DLG2: variants seen among roughly 807,000 people sequenced by gnomAD.
DLG2 encodes discs large MAGUK scaffold protein 2, also known as disks large homolog 2.
Under a neutral mutation model 132.5 loss-of-function variants are expected in DLG2, and 45 were observed. The observed-to-expected ratio is 0.34, with a 90% CI of 0.27 to 0.44. The LOEUF (loss-of-function observed/expected upper bound fraction) is 0.44. DLG2 is among the 20% of genes least tolerant of loss of function. The pLI, the probability that DLG2 is intolerant of heterozygous loss-of-function variation, is 1.00. For missense variants in DLG2, 1,045 were observed against 1,196.9 expected (o/e 0.87, Z 1.87); for synonymous variants, 424 against 419.6 (o/e 1.01, Z -0.13).
At chr11:83,559,694 C>T (rs549657886) in intron 19 of DLG2, among the ~76,000 whole-genome samples, 3 of 152,332 alleles carry the variant, frequency 2.0e-5, no homozygotes, top group Non-Finnish European at 2.9e-5. Flanking sequence ...TAGTCTGACA[C>T]ATCAAATGTA....
chr11:85,372,207 T>C (rs989713726), intron 3 of DLG2, among the ~76,000 whole-genome samples: 2 of 152,190 alleles, frequency 1.3e-5, no homozygotes, highest in Admixed American at 1.3e-4. Flanking sequence ...TGCCAGGTGA[T>C]GGGAATAAGT....
At chr11:85,087,308 C>A (rs2068066597) in intron 6 of DLG2, among the ~76,000 whole-genome samples, 1 of 152,072 alleles carries the variant, frequency 6.6e-6, no homozygotes, top group Non-Finnish European at 1.5e-5. Flanking sequence ...GAGAGAGCCC[C>A]TAGGAGGAAT....
intron 26 of DLG2, among the ~76,000 whole-genome samples, chr11:83,465,784 G>A (rs1400762267): frequency 1.3e-5 from 2 of 152,022 alleles, no homozygotes; most frequent in African/African-American, 2.4e-5. Flanking sequence ...GCCTCGTTTC[G>A]AGGTGAGGAG....
At chr11:83,929,426 T>C (rs1055017379) in intron 15 of DLG2, among the ~76,000 whole-genome samples, 3 of 152,218 alleles carry the variant, frequency 2.0e-5, no homozygotes, top group Non-Finnish European at 4.4e-5. Flanking sequence ...AACTACCTTG[T>C]GGAACGCTGA....
intron 19 of DLG2, among the ~76,000 whole-genome samples, chr11:83,617,219 G>T (rs1012950569): frequency 2.6e-5 from 4 of 152,196 alleles, no homozygotes; most frequent in African/African-American, 9.6e-5. Flanking sequence ...GATAGGAATT[G>T]CAGTGAATCA....
chr11:83,955,655 C>A (rs2086649712), intron 14 of DLG2, among the ~76,000 whole-genome samples: 1 of 152,186 alleles, frequency 6.6e-6, no homozygotes, highest in Admixed American at 6.5e-5. Context: ...AGACTCCAGG[C>A]TCAGTCAATA....
chr11:85,256,022 C>A (rs559074426), intron 4 of DLG2, among the ~76,000 whole-genome samples: 1 of 152,252 alleles, frequency 6.6e-6, no homozygotes, highest in East Asian at 1.9e-4. Context: ...CAAGAAAACA[C>A]TGGGTAGAAG....
chr11:84,295,131 C>G (rs2098071750), intron 7 of DLG2, among the ~76,000 whole-genome samples: 1 of 152,128 alleles, frequency 6.6e-6, no homozygotes. Flanking sequence ...AAAGCAGTGA[C>G]TCTTTGGACT....
intron 6 of DLG2, among the ~76,000 whole-genome samples, chr11:84,579,713 A>G (rs1033326781): frequency 6.6e-6 from 1 of 152,232 alleles, no homozygotes; most frequent in African/African-American, 2.4e-5. Context: ...ATCATAAAGT[A>G]TTGGACAGCC....
At chr11:84,235,325 G>T (rs1045615154) in intron 8 of DLG2, among the ~76,000 whole-genome samples, 1 of 152,120 alleles carries the variant, frequency 6.6e-6, no homozygotes, top group Non-Finnish European at 1.5e-5. Context: ...GAGCTGTATC[G>T]AGGGCCGTAG....
intron 10 of DLG2, among the ~76,000 whole-genome samples, chr11:84,088,033 G>A (rs1052951696): frequency 3.9e-5 from 6 of 152,084 alleles, no homozygotes; most frequent in African/African-American, 9.7e-5. Flanking sequence ...GATACAAGTC[G>A]TTTATCAGGT....
intron 11 of DLG2, among the ~76,000 whole-genome samples, chr11:83,988,367 T>C (rs1423303238): frequency 6.6e-6 from 1 of 152,054 alleles, no homozygotes; most frequent in Non-Finnish European, 1.5e-5. Flanking sequence ...TATGGATGCC[T>C]TCAGCTTTGT....
chr11:83,697,569 C>A lies in DLG2; in HGVS notation c.1826-64244G>T, dbSNP rs527895218. Reference sequence around the variant, plus strand: ...TCCTTAAGACAAATCAACCTCCAACCCCTTACGTATAACAAGCTGATCTGT... The same window carrying A: ...TCCTTAAGACAAATCAACCTCCAACACCTTACGTATAACAAGCTGATCTGT... On this transcript the variant is annotated intron_variant, in intron 18 of 27. Transcript: ENST00000376104. Among the ~76,000 whole-genome samples, 5 of 152,226 alleles carry A rather than the reference C, an allele frequency of 3.3e-5. No individual in the cohort carries two copies. In the South Asian group the frequency reaches 1.0e-3, roughly 32 times the overall value.
chr11:85,037,142 G>A (rs1276661773), intron 6 of DLG2, among the ~76,000 whole-genome samples: 1 of 152,148 alleles, frequency 6.6e-6, no homozygotes, highest in African/African-American at 2.4e-5. Flanking sequence ...CTGAGCAATA[G>A]TTTTACTATG....
At chr11:84,711,292 C>T (rs1041951113) in intron 6 of DLG2, among the ~76,000 whole-genome samples, 2 of 146,210 alleles carry the variant, frequency 1.4e-5, no homozygotes, top group African/African-American at 5.0e-5. Flanking sequence ...CAGATACTAG[C>T]TGCATTATTC....
intron 5 of DLG2, among the ~76,000 whole-genome samples, chr11:85,122,463 A>G (rs1170391258): frequency 6.6e-6 from 1 of 152,208 alleles, no homozygotes; most frequent in African/African-American, 2.4e-5. Flanking sequence ...GTTATTGATT[A>G]TAGTTGACTA....
chr11:85,406,873 A>C (rs1211376711), intron 3 of DLG2, among the ~76,000 whole-genome samples: 1 of 151,964 alleles, frequency 6.6e-6, no homozygotes, highest in Non-Finnish European at 1.5e-5. Context: ...GAAGGAAATG[A>C]AAATGAGGAA....
intron 5 of DLG2, among the ~76,000 whole-genome samples, chr11:85,113,329 G>A (rs1490446437): frequency 6.6e-6 from 1 of 152,016 alleles, no homozygotes; most frequent in Non-Finnish European, 1.5e-5. Context: ...TTGCAAGGAA[G>A]CTACTAATGA....
At chr11:83,538,928 T>C (rs1168528028) in intron 20 of DLG2, among the ~76,000 whole-genome samples, 2 of 152,188 alleles carry the variant, frequency 1.3e-5, no homozygotes, top group Non-Finnish European at 2.9e-5. Context: ...TTTGTATCTG[T>C]AGGGGGCAAG....
Sources: gnomAD v4.1 joint callset for allele counts (sites outside exome capture counted in the v4.1 genomes callset) on GRCh38, gnomAD v4.1.1 for gene constraint, MANE v1.5 for transcripts, NCBI Gene and HGNC (gene_info 2026-07-23, HGNC 2026-07-21) for gene names.